Variants in DLG2 observed in about 807,000 individuals in gnomAD.
The protein encoded by DLG2 is discs large MAGUK scaffold protein 2.
In DLG2, 45 loss-of-function variants were observed where a neutral mutation model predicts 132.5. The ratio of observed to expected loss-of-function variants is 0.34; its 90% CI spans 0.27 to 0.44. The LOEUF (loss-of-function observed/expected upper bound fraction) is 0.44. DLG2 is among the 20% of genes least tolerant of loss of function. The pLI, the probability that DLG2 is intolerant of heterozygous loss-of-function variation, is 1.00. For synonymous variants in DLG2, 424 were observed against 419.6 expected, an observed-to-expected ratio of 1.01 and a Z score of -0.13; for missense variants, 1,045 against 1,196.9, an observed-to-expected ratio of 0.87 and a Z score of 1.87.
intron 6 of DLG2, among the ~76,000 whole-genome samples, chr11:85,055,286 T>C (rs1566747045): frequency 6.6e-6 from 1 of 152,160 alleles, no homozygotes; most frequent in Non-Finnish European, 1.5e-5. Flanking sequence ...AATTTCCACT[T>C]TGACTATGAT....
At chr11:83,928,229 G>A (rs1349447941) in intron 15 of DLG2, among the ~76,000 whole-genome samples, 1 of 151,916 alleles carries the variant, frequency 6.6e-6, no homozygotes, top group Non-Finnish European at 1.5e-5. Context: ...TTGGGGCCTG[G>A]TGCATATCAG....
intron 7 of DLG2, among the ~76,000 whole-genome samples, chr11:84,524,825 G>T (rs2099315158): frequency 6.6e-6 from 1 of 150,752 alleles, no homozygotes. Context: ...GACTGTTGGG[G>T]TCAAATGTAA....
At chr11:84,334,607 T>A (rs1250677532) in intron 7 of DLG2, among the ~76,000 whole-genome samples, 1 of 152,224 alleles carries the variant, frequency 6.6e-6, no homozygotes, top group African/African-American at 2.4e-5. Flanking sequence ...TTTGGGTGTA[T>A]TCATTTGTTC....
chr11:85,310,725 G>C (rs544325918), intron 3 of DLG2, among the ~76,000 whole-genome samples: 2 of 152,160 alleles, frequency 1.3e-5, no homozygotes, highest in Non-Finnish European at 2.9e-5. Flanking sequence ...TACAGCCATC[G>C]TGCTATTCTG....
rs572155072 is a variant in DLG2 at position 85,082,249 on chromosome 11, C to T, written c.357+29412G>A. Reference sequence around the variant, plus strand: ...TAAGTTATACTGGAGGAAAATACTGCTTTTTTTAAAAAACCTTCAAACTAA... The same window carrying T: ...TAAGTTATACTGGAGGAAAATACTGTTTTTTTTAAAAAACCTTCAAACTAA... On this transcript the variant is annotated intron_variant, in intron 6 of 27. Transcript: ENST00000376104. Among the ~76,000 whole-genome samples, 6 of 152,144 alleles carry T rather than the reference C, an allele frequency of 3.9e-5. No homozygotes were observed. In the South Asian group the frequency reaches 1.0e-3, roughly 26 times the overall value.
chr11:84,275,206 T>C (rs757018260), intron 7 of DLG2, among the ~76,000 whole-genome samples: 9 of 152,130 alleles, frequency 5.9e-5, no homozygotes, highest in Non-Finnish European at 1.2e-4. Flanking sequence ...GTCCTAAAAA[T>C]CCTCTTCTCT....
chr11:84,410,498 A>G (rs1479132584), intron 7 of DLG2, among the ~76,000 whole-genome samples: 1 of 152,146 alleles, frequency 6.6e-6, no homozygotes, highest in African/African-American at 2.4e-5. Context: ...TTATTCCAAA[A>G]AAAAGAAAAA....
Position 84,194,865 on chromosome 11 carries a change from C to T in DLG2, c.574-31354G>A, listed in dbSNP as rs1044708134. 5.3e-5 allele frequency among the ~76,000 whole-genome samples: 8 copies of T among 152,192 alleles called. 1 individual carries two copies. Among genetic ancestry groups the T allele is most frequent in the African/African-American group, 1.4e-4 (6 of 41,466 alleles). On this transcript the variant is annotated intron_variant, in intron 8 of 27. Coordinates refer to ENST00000376104, the MANE Select transcript of DLG2 (RefSeq NM_001142699.3). ...CACTAGGCCTCTCACTGCCTGGGGCCGGCGGCGCTGGCCAGCTGCTCCAAG... is the reference window on the plus strand; with the variant it reads ...CACTAGGCCTCTCACTGCCTGGGGCTGGCGGCGCTGGCCAGCTGCTCCAAG...
chr11:85,149,907 A>G (rs1358331411), intron 5 of DLG2, among the ~76,000 whole-genome samples: 8 of 151,824 alleles, frequency 5.3e-5, no homozygotes, highest in Admixed American at 5.2e-4. Flanking sequence ...AACTAAGGAG[A>G]GCCACTACTC....
At chr11:84,320,275 C>G (rs983187351) in intron 7 of DLG2, among the ~76,000 whole-genome samples, 10 of 152,122 alleles carry the variant, frequency 6.6e-5, no homozygotes, top group African/African-American at 2.4e-4. Context: ...AATATCCTAG[C>G]TTGATTTAAT....
At chr11:85,318,360 T>G (rs1268656748) in intron 3 of DLG2, among the ~76,000 whole-genome samples, 3 of 151,744 alleles carry the variant, frequency 2.0e-5, no homozygotes, top group African/African-American at 7.3e-5. Flanking sequence ...TCAATGTTTA[T>G]CAAGTTCTAA....
intron 6 of DLG2, among the ~76,000 whole-genome samples, chr11:84,909,471 G>A (rs1278684656): frequency 6.6e-6 from 1 of 152,100 alleles, no homozygotes; most frequent in African/African-American, 2.4e-5. Context: ...TCTGTTTAGT[G>A]GGGGCAGTAA....
In DLG2 at chr11:84,412,391, A is replaced by G. The variant is rs183414704; in HGVS notation, c.519+122179T>C. Among the ~76,000 whole-genome samples the G allele has an allele frequency of 4.4e-3, 673 of 152,052 alleles. 5 individuals carry two copies. Among genetic ancestry groups the G allele is most frequent in the Middle Eastern group, 0.014 (4 of 292 alleles). On this transcript the variant is annotated intron_variant, in intron 7 of 27. Transcript: ENST00000376104. The stretch of plus-strand genomic sequence containing the variant: ...GACAGAGGAGTGCAAGTTCTACACT[A>G]TTGACATATAGATGGAAATGCCATA...
At chr11:85,405,202 G>C (rs1277852573) in intron 3 of DLG2, among the ~76,000 whole-genome samples, 2 of 151,840 alleles carry the variant, frequency 1.3e-5, no homozygotes, top group East Asian at 3.9e-4. Flanking sequence ...AGATTTTAAT[G>C]TTTCATTTTA....
intron 8 of DLG2, among the ~76,000 whole-genome samples, chr11:84,224,315 C>CT (rs1275795986): frequency 2.6e-5 from 4 of 152,186 alleles, no homozygotes; most frequent in Non-Finnish European, 4.4e-5. Context: ...TCCTAGGCTG[C>CT]TTTTGTTACA....
chr11:84,844,879 C>T (rs1337010602), intron 6 of DLG2, among the ~76,000 whole-genome samples: 1 of 152,104 alleles, frequency 6.6e-6, no homozygotes, highest in African/African-American at 2.4e-5. Context: ...CTTATGTGAA[C>T]ATCTTCCCTG....
intron 15 of DLG2, among the ~76,000 whole-genome samples, chr11:83,900,743 G>A (rs564049786): frequency 6.6e-6 from 1 of 152,344 alleles, no homozygotes; most frequent in Non-Finnish European, 1.5e-5. Flanking sequence ...TGTTAGGGTA[G>A]TGTGGAAGGG....
intron 3 of DLG2, among the ~76,000 whole-genome samples, chr11:85,482,175 C>G (rs1411041314): frequency 6.6e-6 from 1 of 152,038 alleles, no homozygotes; most frequent in Non-Finnish European, 1.5e-5. Context: ...ACCATCAGGC[C>G]AACTCCTGCA....
intron 4 of DLG2, among the ~76,000 whole-genome samples, chr11:85,199,925 G>A (rs1349632347): frequency 1.3e-5 from 2 of 151,240 alleles, no homozygotes; most frequent in Non-Finnish European, 2.9e-5. Flanking sequence ...TATTTTTGTA[G>A]TGAGACCCAG....
Sources: allele counts gnomAD v4.1 joint callset (sites outside exome capture counted in the v4.1 genomes callset), GRCh38; gene constraint gnomAD v4.1.1; transcripts MANE v1.5; gene names NCBI Gene and HGNC (gene_info 2026-07-23, HGNC 2026-07-21).